Variants in PDE4D observed in about 807,000 individuals in gnomAD.
PDE4D encodes phosphodiesterase 4D.
PDE4D carries 24 observed loss-of-function variants against 87.4 expected under a neutral mutation model. That is an observed-to-expected ratio of 0.27 (90% CI 0.20 to 0.39). PDE4D has a LOEUF of 0.39. Ranked by LOEUF, PDE4D falls within the 10% of genes least tolerant of loss-of-function variation. The probability of loss-of-function intolerance (pLI) is 1.00; values close to 1 mark genes in which losing one functional copy is unlikely to be tolerated. For synonymous variants in PDE4D, 384 were observed against 383.2 expected (o/e 1.00, Z -0.02); for missense variants, 714 against 1,041.0 (o/e 0.69, Z 4.32).
intron 1 of PDE4D, among the ~76,000 whole-genome samples, chr5:59,455,773 C>T (rs114623881): frequency 0.035 from 5,293 of 152,260 alleles, 322 homozygotes; most frequent in African/African-American, 0.12. Context: ...GGGGTGGAGC[C>T]GCCCAAGACC....
At chr5:59,432,181 C>T (rs1562177751) in intron 1 of PDE4D, among the ~76,000 whole-genome samples, 1 of 151,970 alleles carries the variant, frequency 6.6e-6, no homozygotes, top group Non-Finnish European at 1.5e-5. Context: ...AAATATACCA[C>T]ACACAATACA....
intron 2 of PDE4D, among the ~76,000 whole-genome samples, chr5:60,090,788 A>G (rs1100918): frequency 0.29 from 44,730 of 152,134 alleles, 7,325 homozygotes; most frequent in East Asian, 0.74. Flanking sequence ...CTAAAGACTC[A>G]ACCAAAACCT....
At chr5:59,695,637 T>G (rs1321771534) in intron 1 of PDE4D, among the ~76,000 whole-genome samples, 2 of 152,212 alleles carry the variant, frequency 1.3e-5, no homozygotes, top group African/African-American at 4.8e-5. Flanking sequence ...ACATGGTCTG[T>G]GTCGTCCAGG....
At chr5:59,961,049 G>A (rs567628215) in intron 3 of PDE4D, among the ~76,000 whole-genome samples, 313 of 152,138 alleles carry the variant, frequency 2.1e-3, no homozygotes, top group Non-Finnish European at 3.3e-3. Context: ...TCTATGTGCT[G>A]GAGACACATC....
intron 1 of PDE4D, among the ~76,000 whole-genome samples, chr5:59,803,270 A>C (rs1422683657): frequency 6.6e-6 from 1 of 151,734 alleles, no homozygotes; most frequent in African/African-American, 2.4e-5. Context: ...GCAGACCTAC[A>C]AAATCAAAAA....
At chr5:59,544,986 A>C (rs1479497298) in intron 1 of PDE4D, among the ~76,000 whole-genome samples, 2 of 152,238 alleles carry the variant, frequency 1.3e-5, no homozygotes, top group East Asian at 3.8e-4. Context: ...CATTACTCAG[A>C]GTACTGATTT....
chr5:59,289,043 GAAT>G (rs1350675499), intron 1 of PDE4D, among the ~76,000 whole-genome samples: 1 of 151,854 alleles, frequency 6.6e-6, no homozygotes, highest in African/African-American at 2.4e-5. Context: ...GAAAAACACA[GAAT>G]ATTATAACAC....
chr5:59,893,610 C>A lies in PDE4D; in HGVS notation c.13G>T (p.Gly5Cys), dbSNP rs1211297841. ...CCCGCCCGGGCCGGCGCGCTGCTGC[C>A]CTCTGCCTCCATCCTGGCTCGCGGC... Reference protein sequence around the residue: MEAEGSSAPARAGSG... With the variant: MEAECSSAPARAGSG... The change falls in exon 1 of 15, where the codon GGC becomes TGC. Residue 5 changes from glycine (G) to cysteine (C), a missense_variant. This residue lies in a region of PDE4D where 268 missense variants were observed against 272.9 expected (regional missense o/e 0.98). Coordinates refer to ENST00000340635, the MANE Select transcript of PDE4D (RefSeq NM_001104631.2). 2 of 1,509,848 alleles carry A rather than the reference C, an allele frequency of 1.3e-6. No individual in the cohort carries two copies. The highest frequency in any genetic ancestry group is 1.8e-6 in the Non-Finnish European group (2 of 1,131,272). 93.5% of individuals were successfully genotyped at this position (1,509,848 alleles called of 1,614,324 possible).
At chr5:59,139,543 A>G (rs1267220193) in intron 5 of PDE4D, among the ~76,000 whole-genome samples, 2 of 152,170 alleles carry the variant, frequency 1.3e-5, no homozygotes, top group Non-Finnish European at 2.9e-5. Flanking sequence ...GCTGGAGTGC[A>G]GTGGAGCAAT....
chr5:60,512,802 G>A (rs773660370), intron 1 of PDE4D, among the ~76,000 whole-genome samples: 39 of 152,124 alleles, frequency 2.6e-4, no homozygotes, highest in Non-Finnish European at 3.7e-4. Flanking sequence ...AGAAATGATC[G>A]CAGCTGGGAA....
intron 1 of PDE4D, among the ~76,000 whole-genome samples, chr5:59,284,657 T>C (rs1766531523): frequency 7.7e-6 from 1 of 129,700 alleles, no homozygotes; most frequent in Admixed American, 8.0e-5. Context: ...AGTGTGGCGA[T>C]TCCTCAGGGA....
intron 1 of PDE4D, among the ~76,000 whole-genome samples, chr5:60,213,581 A>G (rs1743500424): frequency 6.6e-6 from 1 of 152,208 alleles, no homozygotes; most frequent in Non-Finnish European, 1.5e-5. Flanking sequence ...AAAGTTTGCC[A>G]TTCCATTTCT....
chr5:60,447,125 G>A (rs553150295), intron 1 of PDE4D, among the ~76,000 whole-genome samples: 1 of 152,258 alleles, frequency 6.6e-6, no homozygotes, highest in Admixed American at 6.5e-5. Flanking sequence ...AACATGTGCT[G>A]ATTGCTAGGA....
chr5:59,480,301 C>A (rs458953), intron 1 of PDE4D, among the ~76,000 whole-genome samples: 1 of 151,832 alleles, frequency 6.6e-6, no homozygotes, highest in African/African-American at 2.4e-5. Context: ...AGAATAAATG[C>A]AACATTATTG....
At chr5:59,820,967 C>T (rs954077242) in intron 1 of PDE4D, among the ~76,000 whole-genome samples, 2 of 152,104 alleles carry the variant, frequency 1.3e-5, no homozygotes, top group Non-Finnish European at 2.9e-5. Context: ...CACATTGGCT[C>T]ACACCTGTAA....
chr5:59,863,640 A>G (rs1237147384), intron 1 of PDE4D, among the ~76,000 whole-genome samples: 2 of 152,188 alleles, frequency 1.3e-5, no homozygotes, highest in East Asian at 1.9e-4. Flanking sequence ...TCCAGCATTT[A>G]TCTGAATTTA....
At chr5:60,238,714 A>C (rs1487163997) in intron 1 of PDE4D, among the ~76,000 whole-genome samples, 1 of 151,872 alleles carries the variant, frequency 6.6e-6, no homozygotes, top group Non-Finnish European at 1.5e-5. Context: ...TTAAATATTT[A>C]TTTGAAAGAT....
intron 1 of PDE4D, among the ~76,000 whole-genome samples, chr5:59,291,568 T>C (rs963190712): frequency 4.6e-5 from 7 of 152,088 alleles, no homozygotes; most frequent in Admixed American, 3.3e-4. Context: ...TAAGCAATTA[T>C]AGGGTAAAAT....
chr5:59,089,646 C>T (rs1392103006), intron 5 of PDE4D, among the ~76,000 whole-genome samples: 2 of 152,088 alleles, frequency 1.3e-5, no homozygotes, highest in Non-Finnish European at 2.9e-5. Context: ...GTCTGTACTC[C>T]TTACAACTGT....
Sources: allele counts gnomAD v4.1 joint callset (sites outside exome capture counted in the v4.1 genomes callset), GRCh38; gene constraint gnomAD v4.1.1; regional missense constraint gnomAD v4.1.1; transcripts MANE v1.5; gene names NCBI Gene and HGNC (gene_info 2026-07-23, HGNC 2026-07-21).